QSER1: variants seen among roughly 807,000 people sequenced by gnomAD.
The protein encoded by QSER1 is glutamine and serine-rich protein 1.
A neutral mutation model predicts 158.5 loss-of-function variants in QSER1; 49 were observed. That is an observed-to-expected ratio of 0.31 (90% CI 0.25 to 0.39). The LOEUF is 0.39. Among genes scored for constraint, QSER1 ranks in the 10% least tolerant of loss-of-function variants. The pLI, the probability that QSER1 is intolerant of heterozygous loss-of-function variation, is 1.00. For missense variants in QSER1, 1,754 were observed against 2,010.3 expected (o/e 0.87, Z 2.44); for synonymous variants, 650 against 715.5 (o/e 0.91, Z 1.46).
Position 32,947,182 on chromosome 11 carries a change from C to T in QSER1, c.4178-6675C>T, listed in dbSNP as rs542247954. The stretch of plus-strand genomic sequence containing the variant: ...ACCTCAGATGGAAATGCAGAAATCA[C>T]CCGTCTTCTGCGTCGCTCAGGCTGG... On this transcript the variant is annotated intron_variant, in intron 4 of 12. Coordinates refer to ENST00000650167, the MANE Select transcript of QSER1 (RefSeq NM_001076786.3). 4.2e-3 allele frequency among the ~76,000 whole-genome samples: 643 copies of T among 152,342 alleles called. 5 individuals carry two copies. Among genetic ancestry groups the T allele is most frequent in the African/African-American group, 0.015 (612 of 41,586 alleles).
At chr11:32,913,284 G>A (rs764938525) in intron 1 of QSER1, among the ~76,000 whole-genome samples, 1 of 145,298 alleles carries the variant, frequency 6.9e-6, no homozygotes, top group East Asian at 2.0e-4. Flanking sequence ...TCTGCCTCCT[G>A]GGTTCATGCC....
At chr11:32,941,292 T>C (rs1225254777) in intron 4 of QSER1, among the ~76,000 whole-genome samples, 1 of 151,388 alleles carries the variant, frequency 6.6e-6, no homozygotes, top group Non-Finnish European at 1.5e-5. Context: ...TGCAGGTTAG[T>C]TACATACGTA....
intron 1 of QSER1, among the ~76,000 whole-genome samples, chr11:32,912,688 C>T (rs775696105): frequency 3.3e-5 from 5 of 152,006 alleles, no homozygotes; most frequent in Non-Finnish European, 5.9e-5. Flanking sequence ...GTGGAAGAAT[C>T]GCTTGAGTCC....
chr11:32,909,745 A>G (rs578210370), intron 1 of QSER1, among the ~76,000 whole-genome samples: 10 of 152,114 alleles, frequency 6.6e-5, no homozygotes, highest in African/African-American at 2.2e-4. Context: ...CCTGTCCTAA[A>G]CTCTAGATCC....
Position 32,933,555 on chromosome 11 carries a change from G to A in QSER1, c.2297G>A (p.Gly766Asp). The change falls in exon 4 of 13, where the codon GGT (glycine) becomes GAT (aspartate). Residue 766 changes from glycine to aspartate, a missense_variant. Gly to Asp is a moderately conservative substitution (Grantham distance 94). Transcript: ENST00000650167. Reference protein sequence around the residue: ...QASKKEESVVGSVTQLNQQIG... With the variant: ...QASKKEESVVDSVTQLNQQIG... Reference sequence around the variant, plus strand: ...TCAAAAAAAGAAGAAAGTGTTGTTGGTTCAGTGACACAACTTAACCAACAA... The same window carrying A: ...TCAAAAAAAGAAGAAAGTGTTGTTGATTCAGTGACACAACTTAACCAACAA... The A allele has an allele frequency of 6.2e-7, 1 of 1,613,818 alleles. No homozygotes were observed. Among genetic ancestry groups the A allele is most frequent in the East Asian group, 2.2e-5 (1 of 44,870 alleles).
intron 7 of QSER1, 112 bp downstream of exon 7, chr11:32,956,233 T>A: frequency 2.2e-6 from 2 of 899,158 alleles, no homozygotes; most frequent in African/African-American, 1.7e-5. Context: ...TATACACAAG[T>A]CAAAAAATTT....
At chr11:32,965,139 C>A (rs117851413) in intron 8 of QSER1, among the ~76,000 whole-genome samples, 8,489 of 152,002 alleles carry the variant, frequency 0.056, 377 homozygotes, top group Admixed American at 0.094. Flanking sequence ...GAGACAGGGT[C>A]TTTACTCTGT....
chr11:32,902,431 T>C (rs968443799), intron 1 of QSER1, among the ~76,000 whole-genome samples: 1 of 152,232 alleles, frequency 6.6e-6, no homozygotes, highest in Non-Finnish European at 1.5e-5. Flanking sequence ...CTTATGCTGC[T>C]TGTCCAGTGA....
intron 3 of QSER1, 139 bp downstream of exon 3, chr11:32,928,262 A>G: frequency 1.3e-5 from 8 of 609,044 alleles, no homozygotes; most frequent in South Asian, 2.1e-5. Flanking sequence ...GAATTTTTCA[A>G]AATTTTCAGG....
chr11:32,912,120 T>G (rs1044298807), intron 1 of QSER1, among the ~76,000 whole-genome samples: 8 of 152,220 alleles, frequency 5.3e-5, no homozygotes, highest in Admixed American at 3.9e-4. Context: ...CGATCCCCAA[T>G]TTTTTATTTC....
intron 9 of QSER1, among the ~76,000 whole-genome samples, chr11:32,966,856 T>A (rs1483677439): frequency 6.6e-6 from 1 of 152,224 alleles, no homozygotes; most frequent in Non-Finnish European, 1.5e-5. Flanking sequence ...AGCAATTATT[T>A]TCTAATCAGT....
intron 1 of QSER1, among the ~76,000 whole-genome samples, chr11:32,915,319 C>A (rs1851818099): frequency 6.6e-6 from 1 of 152,138 alleles, no homozygotes; most frequent in South Asian, 2.1e-4. Context: ...CAATTTCATA[C>A]CTTACTCATG....
intron 1 of QSER1, among the ~76,000 whole-genome samples, chr11:32,900,821 T>G (rs1417269873): frequency 6.6e-6 from 1 of 152,250 alleles, no homozygotes; most frequent in Non-Finnish European, 1.5e-5. Context: ...TCCCCACATG[T>G]TACCTTCTCA....
chr11:32,957,936 A>G lies in QSER1; in HGVS notation c.4819A>G (p.Thr1607Ala). The G allele has an allele frequency of 6.2e-7, 1 of 1,614,168 alleles. No homozygotes were observed. Reference sequence around the variant, plus strand: ...TCCTCTAGCATCAAAAACTACAACTACAAAAGCCCCTTCCGTGAAACCCAA... The same window carrying G: ...TCCTCTAGCATCAAAAACTACAACTGCAAAAGCCCCTTCCGTGAAACCCAA... Reference protein sequence around the residue: ...SDPLASKTTTTKAPSVKPKVK... With the variant: ...SDPLASKTTTAKAPSVKPKVK... The change falls in exon 8 of 13, where the codon ACA becomes GCA. Residue 1607 changes from threonine to alanine, a missense_variant. Thr to Ala is a moderately conservative substitution (Grantham distance 58). Transcript: ENST00000650167.
chr11:32,970,984 G>A (rs535461958), intron 10 of QSER1, among the ~76,000 whole-genome samples: 11 of 107,166 alleles, frequency 1.0e-4, no homozygotes, highest in East Asian at 9.4e-4. Context: ...ACAGACTCTC[G>A]CTCTGTCTCC....
chr11:32,932,817 C>T lies in QSER1; in HGVS notation c.1559C>T (p.Thr520Met), dbSNP rs370141637. The T allele has an allele frequency of 1.9e-5, 30 of 1,613,672 alleles. No homozygotes were observed. The highest frequency in any genetic ancestry group is 1.2e-4 in the African/African-American group (9 of 74,904). The stretch of plus-strand genomic sequence containing the variant: ...CAGACTGTAACTCCTGAAAATCAGA[C>T]GCTTAATTATTCATCTAATCAGCAA... Reference protein sequence around the residue: ...SSQTVTPENQTLNYSSNQQEV... With the variant: ...SSQTVTPENQMLNYSSNQQEV... Residue 520 changes from threonine (T) to methionine (M), a missense_variant, in exon 4 of 13, where the codon ACG becomes ATG. Thr to Met is a moderately conservative substitution (Grantham distance 81, BLOSUM62 -1). Coordinates refer to ENST00000650167, the MANE Select transcript of QSER1 (RefSeq NM_001076786.3).
intron 4 of QSER1, among the ~76,000 whole-genome samples, chr11:32,950,480 CAT>C (rs1231202653): frequency 1.3e-5 from 2 of 152,178 alleles, no homozygotes; most frequent in African/African-American, 4.8e-5. Flanking sequence ...TGGAATTTTA[CAT>C]GTTATTTATA....
At chr11:32,941,695 T>C (rs1852240207) in intron 4 of QSER1, among the ~76,000 whole-genome samples, 5 of 152,144 alleles carry the variant, frequency 3.3e-5, no homozygotes, top group Admixed American at 3.3e-4. Flanking sequence ...TAAACATACA[T>C]GTGCATGTGT....
chr11:32,964,736 ATAT>A (rs1852700967), intron 8 of QSER1, among the ~76,000 whole-genome samples: 1 of 119,274 alleles, frequency 8.4e-6, no homozygotes, highest in African/African-American at 3.2e-5. Context: ...ATATATATAT[ATAT>A]ACACACACAC....
Sources: allele counts gnomAD v4.1 joint callset (sites outside exome capture counted in the v4.1 genomes callset), GRCh38; gene constraint gnomAD v4.1.1; transcripts MANE v1.5; gene names NCBI Gene and HGNC (gene_info 2026-07-23, HGNC 2026-07-21).